The following GPR3 variants were observed in gnomAD, a reference collection of about 807,000 sequenced individuals.
GPR3 encodes ACCA orphan receptor.
A neutral mutation model predicts 18.2 loss-of-function variants in GPR3; 16 were observed. That is an observed-to-expected ratio of 0.88 (90% CI 0.60 to 1.34). The LOEUF is 1.34. Ranked by LOEUF, GPR3 falls within the 40% of genes most tolerant of loss-of-function variation. The probability of loss-of-function intolerance (pLI) is 0.00; values close to 1 mark genes in which losing one functional copy is unlikely to be tolerated. For synonymous variants in GPR3, 183 were observed against 188.9 expected (o/e 0.97, Z 0.26); for missense variants, 326 against 427.6 (o/e 0.76, Z 2.10).
chr1:27,393,823 C>G lies in GPR3; in HGVS notation c.25C>G (p.Leu9Val). 1 of 1,556,522 alleles carries G rather than the reference C, an allele frequency of 6.4e-7. No homozygotes were observed. The highest frequency in any genetic ancestry group is 8.7e-7 in the Non-Finnish European group (1 of 1,148,724). Residue 9 changes from leucine (L) to valine (V), a missense_variant, in exon 2 of 2, where the codon CTG becomes GTG. Transcript: ENST00000374024. ...CATGATGTGGGGTGCAGGCAGCCCT[C>G]TGGCCTGGCTCTCAGCTGGCTCAGG... MMWGAGSPLAWLSAGSGNV... is the reference protein window; with the variant it reads MMWGAGSPVAWLSAGSGNV...
At chr1:27,393,304 C>A (rs943244875) in intron 1 of GPR3, among the ~76,000 whole-genome samples, 2 of 152,068 alleles carry the variant, frequency 1.3e-5, no homozygotes, top group Non-Finnish European at 2.9e-5. Context: ...ACGCGCATTC[C>A]CTGGGGGCGG....
At chr1:27,393,120 G>C (rs1211650306) in intron 1 of GPR3, among the ~76,000 whole-genome samples, 2 of 151,716 alleles carry the variant, frequency 1.3e-5, no homozygotes, top group Non-Finnish European at 2.9e-5. Flanking sequence ...CGGGCAGAAG[G>C]AGGCATCTGA....
rs377044406 is a variant in GPR3 at position 27,394,526 on chromosome 1, G to A, written c.728G>A (p.Arg243His). Residue 243 changes from arginine to histidine, a missense_variant, in exon 2 of 2, where the codon CGC becomes CAC. Transcript: ENST00000374024. ...CCTGCCTCCCACTATGTGGCCACCCGCAAGGGCATTGCCACACTGGCCGTG... is the reference window on the plus strand; with the variant it reads ...CCTGCCTCCCACTATGTGGCCACCCACAAGGGCATTGCCACACTGGCCGTG... ...LLPASHYVATRKGIATLAVVL... is the reference protein window; with the variant it reads ...LLPASHYVATHKGIATLAVVL... 2.8e-5 allele frequency: 46 copies of A among 1,614,060 alleles called. No individual in the cohort carries two copies. The highest frequency in any genetic ancestry group is 5.3e-5 in the African/African-American group (4 of 75,024).
Position 27,394,639 on chromosome 1 carries a change from C to T in GPR3, c.841C>T (p.Leu281Phe). The T allele has an allele frequency of 6.2e-7, 1 of 1,614,170 alleles. No individual in the cohort carries two copies. The highest frequency in any genetic ancestry group is 8.5e-7 in the Non-Finnish European group (1 of 1,180,026). The part of the protein sequence containing the change: ...DAHSPPLYTY[L>F]TLLPATYNSM... ...CCACTCTCCACCTCTCTACACCTATCTTACCTTGCTCCCTGCCACCTACAA... is the reference window on the plus strand; with the variant it reads ...CCACTCTCCACCTCTCTACACCTATTTTACCTTGCTCCCTGCCACCTACAA... Residue 281 changes from leucine to phenylalanine, a missense_variant, in exon 2 of 2, where the codon CTT becomes TTT. Physicochemically the swap from Leu to Phe is conservative, Grantham distance 22. Transcript: ENST00000374024.
rs377044406 is a variant in GPR3 at position 27,394,526 on chromosome 1, G to T, written c.728G>T (p.Arg243Leu). 3 of 1,614,060 alleles carry T rather than the reference G, an allele frequency of 1.9e-6. No homozygotes were observed. Among genetic ancestry groups the T allele is most frequent in the African/African-American group, 2.7e-5 (2 of 75,024 alleles). Residue 243 changes from arginine to leucine, a missense_variant, in exon 2 of 2, where the codon CGC becomes CTC. Coordinates refer to ENST00000374024, the MANE Select transcript of GPR3 (RefSeq NM_005281.4). ...CCTGCCTCCCACTATGTGGCCACCCGCAAGGGCATTGCCACACTGGCCGTG... is the reference window on the plus strand; with the variant it reads ...CCTGCCTCCCACTATGTGGCCACCCTCAAGGGCATTGCCACACTGGCCGTG... Reference protein sequence around the residue: ...LLPASHYVATRKGIATLAVVL... With the variant: ...LLPASHYVATLKGIATLAVVL...
rs1367942163 is a variant in GPR3, at chr1:27,394,709, T to C, written c.911T>C (p.Val304Ala). 6.2e-7 allele frequency: 1 copy of C among 1,614,076 alleles called. No homozygotes were observed. ...ATCTACGCCTTCCGCAACCAGGATGTGCAGAAAGTGCTGTGGGCTGTCTGC... is the reference window on the plus strand; with the variant it reads ...ATCTACGCCTTCCGCAACCAGGATGCGCAGAAAGTGCTGTGGGCTGTCTGC... ...PIIYAFRNQDVQKVLWAVCCC... is the reference protein window; with the variant it reads ...PIIYAFRNQDAQKVLWAVCCC... Residue 304 changes from valine to alanine, a missense_variant, in exon 2 of 2, where the codon GTG (valine) becomes GCG (alanine). Transcript: ENST00000374024.
Position 27,393,781 on chromosome 1 carries a change from C to T in GPR3, c.-5-13C>T, listed in dbSNP as rs746884460. 2.6e-6 allele frequency: 4 copies of T among 1,521,024 alleles called. No individual in the cohort carries two copies. In the South Asian group the frequency reaches 5.2e-5, roughly 20 times the overall value. 94.2% of individuals were successfully genotyped at this position (1,521,024 alleles called of 1,614,324 possible). On this transcript the variant is annotated splice_polypyrimidine_tract_variant and intron_variant, in intron 1 of 1. Transcript: ENST00000374024. ...CAGCTTGGTCAGCTTCTCACAAGGC[C>T]TTTCTCCTGCAGGTACCATGATGTG...
chr1:27,393,759 C>T (rs1237531474), intron 1 of GPR3, 35 bp from the exon 2 acceptor site: 15 of 1,513,906 alleles, frequency 9.9e-6, no homozygotes, highest in Non-Finnish European at 1.1e-5. Context: ...CATCACCCAG[C>T]TTGGTCAGCT....
At chr1:27,393,314 G>C (rs1040260356) in intron 1 of GPR3, among the ~76,000 whole-genome samples, 52 of 152,216 alleles carry the variant, frequency 3.4e-4, no homozygotes, top group African/African-American at 7.2e-4. Context: ...CCTGGGGGCG[G>C]AGTCTAAGGC....
chr1:27,395,479 G>A lies in GPR3; in HGVS notation c.*688G>A, dbSNP rs1471433516. 1 of 167,138 alleles carries A rather than the reference G, an allele frequency of 6.0e-6. No individual in the cohort carries two copies. Among genetic ancestry groups the A allele is most frequent in the Admixed American group, 6.5e-5 (1 of 15,294 alleles). The allele number at this position is 167,138 out of a possible 1,614,324, so 10.4% of individuals were successfully genotyped here. On this transcript the variant is annotated 3_prime_UTR_variant, in exon 2 of 2. Coordinates refer to ENST00000374024, the MANE Select transcript of GPR3 (RefSeq NM_005281.4). Reference sequence around the variant, plus strand: ...CCTGCCCTCCTCGGGTTTGGAAGGGGAACACACCAGCCTCTGGTTTTTTAT... The same window carrying A: ...CCTGCCCTCCTCGGGTTTGGAAGGGAAACACACCAGCCTCTGGTTTTTTAT...
chr1:27,392,959 C>G (rs2016503444), intron 1 of GPR3, among the ~76,000 whole-genome samples: 1 of 152,044 alleles, frequency 6.6e-6, no homozygotes, highest in Non-Finnish European at 1.5e-5. Flanking sequence ...TGCAGGGACC[C>G]GAGGCCCTGG....
rs751061309 is a variant in GPR3, at chr1:27,394,501, C to A, written c.703C>A (p.Pro235Thr). 1 of 1,614,186 alleles carries A rather than the reference C, an allele frequency of 6.2e-7. No individual in the cohort carries two copies. Among genetic ancestry groups the A allele is most frequent in the Admixed American group, 1.7e-5 (1 of 60,024 alleles). Residue 235 changes from proline (P) to threonine (T), a missense_variant, in exon 2 of 2, where the codon CCT becomes ACT. By Grantham distance (38) the Pro-to-Thr change is conservative. Coordinates refer to ENST00000374024, the MANE Select transcript of GPR3 (RefSeq NM_005281.4). ...QQIALQRHLLPASHYVATRKG... is the reference protein window; with the variant it reads ...QQIALQRHLLTASHYVATRKG... ...GATTGCCCTTCAGCGGCACCTGCTG[C>A]CTGCCTCCCACTATGTGGCCACCCG...
Position 27,394,548 on chromosome 1 carries a change from C to A in GPR3, c.750C>A (p.Ala250=). ...CCCGCAAGGGCATTGCCACACTGGC[C>A]GTGGTGCTTGGAGCCTTTGCCGCCT... is the stretch of plus-strand genomic sequence containing the variant. ...VATRKGIATL[A]VVLGAFAACW... The change falls in exon 2 of 2, where the codon GCC becomes GCA. Residue 250 remains alanine, a synonymous_variant. Coordinates refer to ENST00000374024, the MANE Select transcript of GPR3 (RefSeq NM_005281.4). The A allele has an allele frequency of 2.5e-6, 4 of 1,614,172 alleles. No individual in the cohort carries two copies. Among genetic ancestry groups the A allele is most frequent in the Non-Finnish European group, 3.4e-6 (4 of 1,180,030 alleles).
At position 27,395,516 on chromosome 1, in the gene GPR3, GC is replaced by G; in HGVS notation, c.*727del. On this transcript the variant is annotated 3_prime_UTR_variant, in exon 2 of 2. Transcript: ENST00000374024. The stretch of plus-strand genomic sequence containing the variant: ...CTCTGGTTTTTTATTTTTTTAAGAA[GC>G]CATCACCTGAGCAACCAAAAATTCC... The G allele has an allele frequency of 6.0e-6, 1 of 167,196 alleles. No individual in the cohort carries two copies. The allele number at this position is 167,196 out of a possible 1,614,324, so 10.4% of individuals were successfully genotyped here. A position where few individuals can be genotyped will look rare whatever the true frequency, so the allele number is the denominator to read the frequency against.
rs762159151 is a variant in GPR3, at chr1:27,394,802, A to C, written c.*11A>C. The C allele has an allele frequency of 6.2e-7, 1 of 1,610,504 alleles. No homozygotes were observed. The highest frequency in any genetic ancestry group is 1.1e-5 in the South Asian group (1 of 90,504). On this transcript the variant is annotated 3_prime_UTR_variant, in exon 2 of 2. Coordinates refer to ENST00000374024, the MANE Select transcript of GPR3 (RefSeq NM_005281.4). Reference sequence around the variant, plus strand: ...CCCAGTGATGTCTAGCTGAGTCTTCATGACCCTTCAACCCTGATTACTACA... The same window carrying C: ...CCCAGTGATGTCTAGCTGAGTCTTCCTGACCCTTCAACCCTGATTACTACA...
rs1160365961 is a variant in GPR3, at chr1:27,394,530, G to A, written c.732G>A (p.Lys244=). ...LPASHYVATR[K]GIATLAVVLG... is the part of the protein sequence containing the mutation. ...CCTCCCACTATGTGGCCACCCGCAA[G>A]GGCATTGCCACACTGGCCGTGGTGC... The change falls in exon 2 of 2, where the codon AAG becomes AAA. Residue 244 remains lysine, a synonymous_variant. Transcript: ENST00000374024. 6.2e-7 allele frequency: 1 copy of A among 1,614,176 alleles called. No individual in the cohort carries two copies. The highest frequency in any genetic ancestry group is 1.3e-5 in the African/African-American group (1 of 75,058).
Position 27,394,071 on chromosome 1 carries a change from G to A in GPR3, c.273G>A (p.Leu91=), listed in dbSNP as rs767504875. The change falls in exon 2 of 2, where the codon CTG becomes CTA. Residue 91 remains leucine (L), a synonymous_variant. Transcript: ENST00000374024. ...SLAVADLLAG[L]GLVLHFAAVF... ...CCGTGGCAGACCTGCTGGCAGGCCT[G>A]GGCCTGGTCCTGCACTTTGCTGCTG... 1.9e-6 allele frequency: 3 copies of A among 1,610,816 alleles called. No individual in the cohort carries two copies. Among genetic ancestry groups the A allele is most frequent in the East Asian group, 2.2e-5 (1 of 44,872 alleles).
chr1:27,392,982 T>A (rs1303291874), intron 1 of GPR3, among the ~76,000 whole-genome samples: 1 of 151,714 alleles, frequency 6.6e-6, no homozygotes, highest in Non-Finnish European at 1.5e-5. Flanking sequence ...GGACTGATGG[T>A]CATCTGAGGT....
rs780900241 is a variant in GPR3, at chr1:27,393,974, C to A, written c.176C>A (p.Ala59Glu). 3.1e-6 allele frequency: 5 copies of A among 1,611,492 alleles called. No individual in the cohort carries two copies. Among genetic ancestry groups the A allele is most frequent in the Admixed American group, 3.3e-5 (2 of 59,988 alleles). ...GGCACCCTGGTGTCCTGCGAGAATG[C>A]GCTAGTGGTGGCCATCATCGTGGGC... ...ISGTLVSCEN[A>E]LVVAIIVGTP... Residue 59 changes from alanine to glutamate, a missense_variant, in exon 2 of 2, where the codon GCG (alanine) becomes GAG (glutamate). Transcript: ENST00000374024.
Sources: gnomAD v4.1 joint callset for allele counts (sites outside exome capture counted in the v4.1 genomes callset) on GRCh38, gnomAD v4.1.1 for gene constraint, MANE v1.5 for transcripts, NCBI Gene and HGNC (gene_info 2026-07-23, HGNC 2026-07-21) for gene names.